Variants in POLA2 observed in about 807,000 individuals in gnomAD.
POLA2 encodes the protein DNA polymerase alpha 2, accessory subunit, also known as DNA polymerase alpha subunit B.
POLA2 carries 47 observed loss-of-function variants against 82.8 expected under a neutral mutation model. That is an observed-to-expected ratio of 0.57 (90% CI 0.45 to 0.72). POLA2 has a LOEUF of 0.72. POLA2 is among the 30% of genes least tolerant of loss of function. The pLI is 0.00. For synonymous variants in POLA2, 287 were observed against 286.8 expected (o/e 1.00, Z -0.01); for missense variants, 634 against 728.1 (o/e 0.87, Z 1.49).
chr11:65,301,307 C>G (rs1252087824), downstream of POLA2, among the ~76,000 whole-genome samples: 2 of 152,154 alleles, frequency 1.3e-5, no homozygotes, highest in Admixed American at 6.5e-5. Context: ...CCCAGAGAAT[C>G]TTGGAAGGGT....
intron 10 of POLA2, among the ~76,000 whole-genome samples, chr11:65,283,017 A>G (rs1440510088): frequency 6.6e-6 from 1 of 152,156 alleles, no homozygotes; most frequent in Non-Finnish European, 1.5e-5. Flanking sequence ...CTGTAGTCCT[A>G]GCTAATCAGA....
chr11:65,304,266 T>A (rs1949873968), intron 8 of POLA2, among the ~76,000 whole-genome samples: 1 of 150,972 alleles, frequency 6.6e-6, no homozygotes, highest in Non-Finnish European at 1.5e-5. Flanking sequence ...CACGTAACCA[T>A]CCATCCTTTC....
chr11:65,262,442 C>T, intron 1 of POLA2, 71 bp downstream of exon 1: 7 of 1,319,828 alleles, frequency 5.3e-6, no homozygotes, highest in Middle Eastern at 1.8e-4. Flanking sequence ...GCGCCTAGAA[C>T]CGAAAGTGGA....
rs773908081 is a variant in POLA2, at chr11:65,265,019, A to G, written c.80-1563A>G. Reference sequence around the variant, plus strand: ...GCGGAGGAGGGCGGATCACAAGGTCAAGAGATGGAGACCATCCTGGCCAAC... The same window carrying G: ...GCGGAGGAGGGCGGATCACAAGGTCGAGAGATGGAGACCATCCTGGCCAAC... On this transcript the variant is annotated intron_variant, in intron 1 of 17. Coordinates refer to ENST00000265465, the MANE Select transcript of POLA2 (RefSeq NM_002689.4). Among the ~76,000 whole-genome samples the G allele has an allele frequency of 1.8e-4, 27 of 152,310 alleles. No homozygotes were observed. The Middle Eastern group carries it at 0.014, about 77-fold the overall frequency.
At chr11:65,302,605 T>C (rs1229775812), downstream of POLA2, among the ~76,000 whole-genome samples, 1 of 152,162 alleles carries the variant, frequency 6.6e-6, no homozygotes, top group African/African-American at 2.4e-5. Flanking sequence ...CCCCTTCAAA[T>C]TGCCCCTTAG....
Position 65,267,533 on chromosome 11 carries a change from T to C in POLA2, c.261T>C (p.His87=). 1 of 1,612,228 alleles carries C rather than the reference T, an allele frequency of 6.2e-7. No homozygotes were observed. Among genetic ancestry groups the C allele is most frequent in the Non-Finnish European group, 8.5e-7 (1 of 1,178,984 alleles). The stretch of plus-strand genomic sequence containing the variant: ...ATAGTACCTGCAAGGACAGTGGCCA[T>C]GCAGGAGCTAGAGACATTGTTTCCA... ...ARHSTCKDSG[H]AGARDIVSIQ... Residue 87 remains histidine (H), a synonymous_variant, in exon 3 of 18, where the codon CAT becomes CAC. Coordinates refer to ENST00000265465, the MANE Select transcript of POLA2 (RefSeq NM_002689.4).
rs760997859 is a variant in POLA2 at position 65,287,782 on chromosome 11, A to G, written c.1073A>G (p.Asp358Gly). The change falls in exon 11 of 18, where the codon GAC becomes GGC. Residue 358 changes from aspartate to glycine, a missense_variant. Transcript: ENST00000265465. ...PYTTSDSITY[D>G]PLLDLIAVIN... ...ACCACATCTGACAGCATCACGTATG[A>G]CCCCCTGCTTGACCTGATTGCTGTC... is the stretch of plus-strand genomic sequence containing the variant. 13 of 1,613,110 alleles carry G rather than the reference A, an allele frequency of 8.1e-6. No individual in the cohort carries two copies. The Admixed American group carries it at 8.3e-5, about 10-fold the overall frequency.
chr11:65,280,887 G>A lies in POLA2; in HGVS notation c.745-105G>A, dbSNP rs1484760809. 6 of 1,115,582 alleles carry A rather than the reference G, an allele frequency of 5.4e-6. No homozygotes were observed. The Admixed American group carries it at 6.0e-5, about 11-fold the overall frequency. The allele number at this position is 1,115,582 out of a possible 1,614,324, so 69.1% of individuals were successfully genotyped here. On this transcript the variant is annotated intron_variant, in intron 7 of 17. Coordinates refer to ENST00000265465, the MANE Select transcript of POLA2 (RefSeq NM_002689.4). ...TCAAAGCAATGCCCTGCCAAGAAAT[G>A]TATTTGTTGTTTGCAGTTTGTTTTG...
chr11:65,293,246 C>G (rs1412102463), intron 13 of POLA2, among the ~76,000 whole-genome samples: 1 of 152,100 alleles, frequency 6.6e-6, no homozygotes, highest in Admixed American at 6.6e-5. Flanking sequence ...CTGGAAATGT[C>G]TGTGTCTCGG....
chr11:65,300,635 T>C (rs1316498247), downstream of POLA2, among the ~76,000 whole-genome samples: 1 of 152,062 alleles, frequency 6.6e-6, no homozygotes, highest in African/African-American at 2.4e-5. Context: ...CAGGCTGGAG[T>C]GCAGTGGCAC....
intron 17 of POLA2, 92 bp from the exon 18 acceptor site, chr11:65,297,028 T>C: frequency 7.4e-7 from 1 of 1,344,312 alleles, no homozygotes; most frequent in African/African-American, 1.5e-5. Context: ...AAACCCTCTT[T>C]GGGGTCCAGC....
intron 10 of POLA2, among the ~76,000 whole-genome samples, chr11:65,284,841 G>A (rs1949679104): frequency 6.6e-6 from 1 of 152,090 alleles, no homozygotes; most frequent in African/African-American, 2.4e-5. Context: ...AGGCATTTTT[G>A]TAAGCACAGT....
intron 4 of POLA2, among the ~76,000 whole-genome samples, chr11:65,271,389 A>G (rs533404511): frequency 3.0e-4 from 45 of 152,206 alleles, no homozygotes; most frequent in Non-Finnish European, 4.8e-4. Context: ...AGAATTGATC[A>G]TATTCCGGAG....
Position 65,281,118 on chromosome 11 carries a change from C to G in POLA2, c.871C>G (p.Leu291Val). The change falls in exon 8 of 18, where the codon CTT (leucine) becomes GTT (valine). Residue 291 changes from leucine (L) to valine (V), a missense_variant. Physicochemically the swap from Leu to Val is conservative, Grantham distance 32 (BLOSUM62 1). Transcript: ENST00000265465. ...TCAAATTCCAGTGGATTTATCTGAG[C>G]TTAAGGAATATTCTCTGTTTCCTGG... The part of the protein sequence containing the change: ...GAQIPVDLSE[L>V]KEYSLFPGQV... The G allele has an allele frequency of 6.2e-7, 1 of 1,614,120 alleles. No homozygotes were observed. Among genetic ancestry groups the G allele is most frequent in the Non-Finnish European group, 8.5e-7 (1 of 1,180,006 alleles).
chr11:65,290,073 ACT>A (rs1475666455), intron 13 of POLA2, among the ~76,000 whole-genome samples: 1 of 151,624 alleles, frequency 6.6e-6, no homozygotes, highest in African/African-American at 2.4e-5. Flanking sequence ...ATATGGTAAA[ACT>A]CTGTCTGTAC....
downstream of POLA2, among the ~76,000 whole-genome samples, chr11:65,300,825 G>A (rs1949855625): frequency 1.3e-5 from 2 of 152,146 alleles, no homozygotes; most frequent in South Asian, 2.1e-4. Context: ...CAAGTGATCC[G>A]CCCACCTCGG....
At chr11:65,303,422 T>G (rs927198410), downstream of POLA2, among the ~76,000 whole-genome samples, 4 of 151,112 alleles carry the variant, frequency 2.6e-5, no homozygotes, top group Non-Finnish European at 5.9e-5. Context: ...TTTGGGAGGC[T>G]GAGGCAGGAA....
At chr11:65,283,257 T>G (rs1949660236) in intron 10 of POLA2, among the ~76,000 whole-genome samples, 1 of 152,200 alleles carries the variant, frequency 6.6e-6, no homozygotes, top group Non-Finnish European at 1.5e-5. Flanking sequence ...GAATTTACTT[T>G]TTTATTTTTC....
Position 65,275,905 on chromosome 11 carries a change from G to A in POLA2, c.368G>A (p.Arg123Gln), listed in dbSNP as rs370368976. The change falls in exon 5 of 18, where the codon CGA becomes CAA. Residue 123 changes from arginine to glutamine, a missense_variant. Physicochemically the swap from Arg to Gln is conservative, Grantham distance 43. Coordinates refer to ENST00000265465, the MANE Select transcript of POLA2 (RefSeq NM_002689.4). ...TTTTTTCCCTAGGGTTCTCAGAAGC[G>A]AGCTATCTCTACCCCAGAAACCCCC... is the stretch of plus-strand genomic sequence containing the variant. ...YTTPSKGSQK[R>Q]AISTPETPLT... The A allele has an allele frequency of 3.7e-6, 6 of 1,604,842 alleles. No individual in the cohort carries two copies. The highest frequency in any genetic ancestry group is 1.3e-5 in the African/African-American group (1 of 74,522).
Sources: gnomAD v4.1 joint callset for allele counts (sites outside exome capture counted in the v4.1 genomes callset) on GRCh38, gnomAD v4.1.1 for gene constraint, MANE v1.5 for transcripts, NCBI Gene and HGNC (gene_info 2026-07-23, HGNC 2026-07-21) for gene names.